Variants in MRAS observed in about 807,000 individuals in gnomAD.
MRAS encodes ras-related protein M-Ras.
Under a neutral mutation model 20.9 loss-of-function variants are expected in MRAS, and 4 were observed. That is an observed-to-expected ratio of 0.19 (90% CI 0.09 to 0.44). The LOEUF (loss-of-function observed/expected upper bound fraction) is 0.44, where lower values mean the gene tolerates loss of function less well. Ranked by LOEUF, MRAS falls within the 20% of genes least tolerant of loss-of-function variation. The pLI is 0.99. For synonymous variants in MRAS, 98 were observed against 102.9 expected (o/e 0.95, Z 0.29); for missense variants, 154 against 277.5 (o/e 0.56, Z 3.16).
At position 138,402,877 on chromosome 3, in the gene MRAS, T is replaced by G. The variant is rs1212450761; in HGVS notation, c.*608T>G. 1 of 152,570 alleles carries G rather than the reference T, an allele frequency of 6.6e-6. No individual in the cohort carries two copies. Among genetic ancestry groups the G allele is most frequent in the Non-Finnish European group, 1.5e-5 (1 of 68,032 alleles). 9.5% of individuals were successfully genotyped at this position (152,570 alleles called of 1,614,324 possible). On this transcript the variant is annotated 3_prime_UTR_variant, in exon 6 of 6. Transcript: ENST00000423968. ...CAACTCAATCTGAAAGTAGAGTGTC[T>G]GAGAGGACAGAAGGTAATGGGAACT...
At chr3:138,390,619 T>G (rs2055112958) in intron 2 of MRAS, among the ~76,000 whole-genome samples, 1 of 151,620 alleles carries the variant, frequency 6.6e-6, no homozygotes, top group South Asian at 2.1e-4. Flanking sequence ...CAGGAAGCCC[T>G]GGAGTCAGAA....
chr3:138,378,511 C>A (rs550684846), intron 2 of MRAS, among the ~76,000 whole-genome samples: 1 of 152,194 alleles, frequency 6.6e-6, no homozygotes, highest in Admixed American at 6.5e-5. Flanking sequence ...TCTTCCTCCC[C>A]GTCTGGTCCC....
chr3:138,398,491 G>C lies in MRAS; in HGVS notation c.370G>C (p.Val124Leu). Residue 124 changes from valine (V) to leucine (L), a missense_variant, in exon 4 of 6, where the codon GTG becomes CTG. This residue lies in a region of MRAS where 125 missense variants were observed against 213.5 expected (regional missense o/e 0.59). Coordinates refer to ENST00000423968, the MANE Select transcript of MRAS (RefSeq NM_001085049.3). ...KDRESFPMIL[V>L]ANKVDLMHLR... is the part of the protein sequence containing the mutation. The stretch of plus-strand genomic sequence containing the variant: ...CAGGGAGTCATTCCCGATGATCCTC[G>C]TGGCCAACAAGGTCGATTTGATGCA... 1 of 1,614,116 alleles carries C rather than the reference G, an allele frequency of 6.2e-7. No homozygotes were observed.
intron 1 of MRAS, among the ~76,000 whole-genome samples, chr3:138,369,365 A>G (rs986023923): frequency 6.6e-6 from 1 of 152,078 alleles, no homozygotes; most frequent in Non-Finnish European, 1.5e-5. Flanking sequence ...CCTGGTGCTG[A>G]CCCATGAGGA....
At chr3:138,370,128 G>A (rs1207682835) in intron 1 of MRAS, among the ~76,000 whole-genome samples, 1 of 152,056 alleles carries the variant, frequency 6.6e-6, no homozygotes, top group Admixed American at 6.6e-5. Flanking sequence ...AATCATCCTG[G>A]CCAACATGGT....
intron 2 of MRAS, 100 bp from the exon 3 acceptor site, chr3:138,397,224 C>A: frequency 7.0e-7 from 1 of 1,426,424 alleles, no homozygotes; most frequent in Non-Finnish European, 9.5e-7. Flanking sequence ...CGGACTGGGC[C>A]ACGGTAGGGA....
At chr3:138,356,101 C>G (rs1454146882) in intron 1 of MRAS, among the ~76,000 whole-genome samples, 3 of 152,218 alleles carry the variant, frequency 2.0e-5, no homozygotes, top group African/African-American at 7.2e-5. Flanking sequence ...ATTATACAAC[C>G]AGTGCCTATG....
chr3:138,368,038 C>T (rs2054598204), intron 1 of MRAS, among the ~76,000 whole-genome samples: 1 of 152,224 alleles, frequency 6.6e-6, no homozygotes, highest in African/African-American at 2.4e-5. Context: ...GCCCTGGGAG[C>T]AGTGGTTGCC....
At position 138,397,467 on chromosome 3, in the gene MRAS, GTCAAAGACAGGTGAGCA is replaced by G. The variant is rs773578655; in HGVS notation, c.347+6_347+22del. 4.3e-6 allele frequency: 7 copies of G among 1,613,950 alleles called. No homozygotes were observed. In the Admixed American group the frequency reaches 5.0e-5, roughly 12 times the overall value. ...CCGCTTCCACCAGCTTATCCTGCGC[GTCAAAGACAGGTGAGCA>G]TCAAAGACAGGTGAGAGTACCGGGA... On this transcript the variant is annotated splice_donor_variant and splice_donor_5th_base_variant and coding_sequence_variant and intron_variant, in exon 3 of 6. Coordinates refer to ENST00000423968, the MANE Select transcript of MRAS (RefSeq NM_001085049.3). LOFTEE classifies it high-confidence loss of function.
rs1481905674 is a variant in MRAS at position 138,405,377 on chromosome 3, C to T, written c.*3108C>T. 1 of 152,666 alleles carries T rather than the reference C, an allele frequency of 6.6e-6. No individual in the cohort carries two copies. The highest frequency in any genetic ancestry group is 2.4e-5 in the African/African-American group (1 of 41,458). The allele number at this position is 152,666 out of a possible 1,614,324, so 9.5% of individuals were successfully genotyped here. A position where few individuals can be genotyped will look rare whatever the true frequency, so the allele number is the denominator to read the frequency against. Reference sequence around the variant, plus strand: ...AATGAAAGATACTTGAATTATTGTGCGCCTGTGAGCGCCCAGCTTCTGTTT... The same window carrying T: ...AATGAAAGATACTTGAATTATTGTGTGCCTGTGAGCGCCCAGCTTCTGTTT... On this transcript the variant is annotated 3_prime_UTR_variant, in exon 6 of 6. Coordinates refer to ENST00000423968, the MANE Select transcript of MRAS (RefSeq NM_001085049.3).
chr3:138,365,661 G>A (rs1039242393), intron 1 of MRAS, among the ~76,000 whole-genome samples: 6 of 152,198 alleles, frequency 3.9e-5, no homozygotes, highest in South Asian at 2.1e-4. Context: ...GTCCTGAGCC[G>A]TTCCTATGGA....
intron 2 of MRAS, among the ~76,000 whole-genome samples, chr3:138,384,271 C>A (rs962857902): frequency 6.6e-6 from 1 of 152,114 alleles, no homozygotes; most frequent in Non-Finnish European, 1.5e-5. Flanking sequence ...CCTGGCCTGG[C>A]GAGTGAGAAG....
intron 2 of MRAS, 109 bp from the exon 3 acceptor site, chr3:138,397,215 G>A (rs558410616): frequency 4.0e-5 from 54 of 1,345,930 alleles, no homozygotes; most frequent in South Asian, 2.6e-4. Context: ...GGGACAGCTC[G>A]GACTGGGCCA....
intron 2 of MRAS, among the ~76,000 whole-genome samples, chr3:138,383,925 G>A (rs559027014): frequency 6.6e-6 from 1 of 152,292 alleles, no homozygotes; most frequent in East Asian, 1.9e-4. Flanking sequence ...GGCTGGTCAA[G>A]GAGGGCTTTC....
intron 2 of MRAS, among the ~76,000 whole-genome samples, chr3:138,389,010 TTTTGTA>T (rs1431407283): frequency 6.6e-6 from 1 of 151,820 alleles, no homozygotes; most frequent in African/African-American, 2.4e-5. Flanking sequence ...CCCAGCTCAT[TTTTGTA>T]TTTTTAGTAG....
At position 138,403,332 on chromosome 3, in the gene MRAS, CCAGTT is replaced by C. The variant is rs759907498; in HGVS notation, c.*1066_*1070del. On this transcript the variant is annotated 3_prime_UTR_variant, in exon 6 of 6. Coordinates refer to ENST00000423968, the MANE Select transcript of MRAS (RefSeq NM_001085049.3). Reference sequence around the variant, plus strand: ...TAATGTGGACACCATCCAGAAAACTCCAGTTCATGCTGGATCTTAACCAAAAATGA... The same window carrying C: ...TAATGTGGACACCATCCAGAAAACTCCATGCTGGATCTTAACCAAAAATGA... The C allele has an allele frequency of 7.2e-5, 11 of 152,134 alleles. No individual in the cohort carries two copies. The highest frequency in any genetic ancestry group is 1.3e-4 in the Non-Finnish European group (9 of 68,038). The allele number at this position is 152,134 out of a possible 1,614,324, so 9.4% of individuals were successfully genotyped here. A position where few individuals can be genotyped will look rare whatever the true frequency, so the allele number is the denominator to read the frequency against.
intron 2 of MRAS, among the ~76,000 whole-genome samples, chr3:138,392,170 C>T (rs2055145638): frequency 6.6e-6 from 1 of 152,160 alleles, no homozygotes; most frequent in Non-Finnish European, 1.5e-5. Context: ...TGCTTGTTCA[C>T]TATTGGAATG....
intron 1 of MRAS, among the ~76,000 whole-genome samples, chr3:138,362,700 C>G (rs910983673): frequency 6.6e-6 from 1 of 152,146 alleles, no homozygotes; most frequent in Non-Finnish European, 1.5e-5. Flanking sequence ...CCCATCACAC[C>G]CAACGCTCTC....
chr3:138,395,291 C>T (rs1447029403), intron 2 of MRAS, among the ~76,000 whole-genome samples: 1 of 152,164 alleles, frequency 6.6e-6, no homozygotes, highest in African/African-American at 2.4e-5. Flanking sequence ...CTTGCCTCGG[C>T]CTCCCAAAGC....
Sources: gnomAD v4.1 joint callset for allele counts (sites outside exome capture counted in the v4.1 genomes callset) on GRCh38, gnomAD v4.1.1 for gene constraint, gnomAD v4.1.1 regional missense constraint, MANE v1.5 for transcripts, NCBI Gene and HGNC (gene_info 2026-07-23, HGNC 2026-07-21) for gene names.